Variants in USP43 observed in about 807,000 individuals in gnomAD.
USP43 encodes ubiquitin carboxyl-terminal hydrolase 43.
Under a neutral mutation model 90.7 loss-of-function variants are expected in USP43, and 33 were observed. That is an observed-to-expected ratio of 0.36 (90% confidence interval 0.28 to 0.49). The LOEUF is 0.49. Ranked by LOEUF, USP43 falls within the 20% of genes least tolerant of loss-of-function variation. USP43 has a pLI of 0.98. For missense variants in USP43, 1,274 were observed against 1,476.4 expected (o/e 0.86, Z 2.25); for synonymous variants, 598 against 615.8 (o/e 0.97, Z 0.43).
At chr17:9,646,894 A>G (rs1319894241) in intron 1 of USP43, 1 of 151,994 alleles carries the variant, frequency 6.6e-6, no homozygotes, top group African/African-American at 2.4e-5. Context: ...ACGGGCTTGC[A>G]TTTTATTGTC....
chr17:9,662,809 A>G (rs1668397481), intron 2 of USP43, among the ~76,000 whole-genome samples: 1 of 149,562 alleles, frequency 6.7e-6, no homozygotes, highest in African/African-American at 2.5e-5. Context: ...AGTGTTTTGT[A>G]TATATGATCT....
intron 2 of USP43, among the ~76,000 whole-genome samples, chr17:9,663,062 C>T (rs974965784): frequency 6.6e-6 from 1 of 151,994 alleles, no homozygotes; most frequent in Non-Finnish European, 1.5e-5. Context: ...AAGTAATCCA[C>T]TCACCTCGGC....
intron 4 of USP43, among the ~76,000 whole-genome samples, chr17:9,676,473 G>A (rs373029742): frequency 6.6e-6 from 1 of 152,100 alleles, no homozygotes; most frequent in African/African-American, 2.4e-5. Flanking sequence ...AGGTTCAAGC[G>A]ATTCTCCTGC....
In USP43 at chr17:9,701,755, T is replaced by G; in HGVS notation, c.2011+55T>G. 1 of 1,424,626 alleles carries G rather than the reference T, an allele frequency of 7.0e-7. No individual in the cohort carries two copies. The highest frequency in any genetic ancestry group is 9.4e-7 in the Non-Finnish European group (1 of 1,064,632). The allele number at this position is 1,424,626 out of a possible 1,614,324, so 88.2% of individuals were successfully genotyped here. ...CAGCTGTGGCCACAGCCTCGAGATG[T>G]CCCTGGAATGGGTGTTGCTCAGATG... is the stretch of plus-strand genomic sequence containing the variant. On this transcript the variant is annotated intron_variant, in intron 12 of 14. Coordinates refer to ENST00000285199, the MANE Select transcript of USP43 (RefSeq NM_153210.5). The surrounding 1 kb of genome is among the most constrained non-coding windows in gnomAD (Gnocchi z 7.2).
intron 4 of USP43, among the ~76,000 whole-genome samples, chr17:9,675,996 A>C (rs1225996727): frequency 6.6e-6 from 1 of 152,190 alleles, no homozygotes; most frequent in Non-Finnish European, 1.5e-5. Context: ...TGGAGTACAG[A>C]TCAAGAGAAA....
At chr17:9,685,555 A>G (rs746102227) in intron 7 of USP43, among the ~76,000 whole-genome samples, 15 of 152,332 alleles carry the variant, frequency 9.8e-5, no homozygotes, top group Admixed American at 2.0e-4. Context: ...ATCTGTTTAC[A>G]CAGCAGCATC....
At position 9,700,232 on chromosome 17, in the gene USP43, T is replaced by C; in HGVS notation, c.1518T>C (p.Asp506=). Residue 506 remains aspartate (D), a synonymous_variant, in exon 10 of 15, where the codon GAT becomes GAC. Transcript: ENST00000285199. ...ATGTCAAGCTGGCGGTGGAGTGGGA[T>C]AGCTCTGTCAAGGAGCGGTGAGTTC... ...PPHVKLAVEW[D]SSVKERLFGS... The C allele has an allele frequency of 6.2e-7, 1 of 1,602,312 alleles. No individual in the cohort carries two copies. The highest frequency in any genetic ancestry group is 8.5e-7 in the Non-Finnish European group (1 of 1,174,764).
At chr17:9,653,405 T>A (rs185682135) in intron 1 of USP43, among the ~76,000 whole-genome samples, 2 of 152,186 alleles carry the variant, frequency 1.3e-5, no homozygotes, top group African/African-American at 4.8e-5. Context: ...CTGGCCAACA[T>A]GGCGAAACCC....
At chr17:9,668,983 G>A (rs1403210231) in intron 3 of USP43, among the ~76,000 whole-genome samples, 2 of 151,630 alleles carry the variant, frequency 1.3e-5, no homozygotes, top group African/African-American at 2.4e-5. Context: ...TTACAGGTGC[G>A]TGCCACCATG....
intron 14 of USP43, among the ~76,000 whole-genome samples, chr17:9,716,802 G>A (rs566371813): frequency 3.3e-5 from 5 of 152,260 alleles, no homozygotes; most frequent in Admixed American, 3.3e-4. Flanking sequence ...TATCTGCAAT[G>A]TCTGCTACTT....
intron 14 of USP43, among the ~76,000 whole-genome samples, chr17:9,725,218 G>C (rs1316618074): frequency 6.6e-6 from 1 of 151,888 alleles, no homozygotes; most frequent in African/African-American, 2.4e-5. Flanking sequence ...TATGAATGCT[G>C]TGGGGCTTTA....
chr17:9,677,089 T>C (rs953921281), intron 5 of USP43, among the ~76,000 whole-genome samples: 13 of 152,180 alleles, frequency 8.5e-5, no homozygotes, highest in African/African-American at 2.7e-4. Context: ...AAGAACACCT[T>C]TGCCTTCCGA....
At chr17:9,720,283 G>A (rs184504502) in intron 14 of USP43, among the ~76,000 whole-genome samples, 1,455 of 123,620 alleles carry the variant, frequency 0.012, 32 homozygotes, top group African/African-American at 0.043. Flanking sequence ...CCGAGGTTGC[G>A]CCACTGCACT....
At chr17:9,694,366 G>C (rs1484332618) in intron 9 of USP43, among the ~76,000 whole-genome samples, 1 of 152,174 alleles carries the variant, frequency 6.6e-6, no homozygotes, top group African/African-American at 2.4e-5. Context: ...GCCTGTTTGG[G>C]TCTCCCAGGG....
rs117927876 is a variant in USP43 at position 9,729,015 on chromosome 17, G to A, written c.*25G>A. 2.3e-5 allele frequency: 35 copies of A among 1,496,590 alleles called. No individual in the cohort carries two copies. The highest frequency in any genetic ancestry group is 2.1e-4 in the South Asian group (15 of 72,138). 92.7% of individuals were successfully genotyped at this position (1,496,590 alleles called of 1,614,324 possible). A position where few individuals can be genotyped will look rare whatever the true frequency, so the allele number is the denominator to read the frequency against. On this transcript the variant is annotated 3_prime_UTR_variant, in exon 15 of 15. Coordinates refer to ENST00000285199, the MANE Select transcript of USP43 (RefSeq NM_153210.5). ...ATGGAGCGTGTCAGTATTGTGTGAC[G>A]CTGGCATTCTTGGGACTTTGCCAAG... is the stretch of plus-strand genomic sequence containing the variant.
rs1914386899 is a variant in USP43, at chr17:9,682,909, G to A, written c.1192G>A (p.Val398Met). ...CCTCTCTCTCCACAGTGAGAGCAAG[G>A]TGCTAATCCTCTTCTGTAACTTGGT... ...FSLSLHSESK[V>M]LILFCNLVGS... is the part of the protein sequence containing the mutation. Residue 398 changes from valine (V) to methionine (M), a missense_variant, in exon 7 of 15, where the codon GTG (valine) becomes ATG (methionine). Coordinates refer to ENST00000285199, the MANE Select transcript of USP43 (RefSeq NM_153210.5). The A allele has an allele frequency of 6.2e-7, 1 of 1,613,928 alleles. No homozygotes were observed. The highest frequency in any genetic ancestry group is 1.7e-5 in the Admixed American group (1 of 60,008).
At chr17:9,720,274 C>T (rs1466625385) in intron 14 of USP43, among the ~76,000 whole-genome samples, 1 of 137,928 alleles carries the variant, frequency 7.3e-6, no homozygotes, top group Non-Finnish European at 1.5e-5. Context: ...TGCAGTGAGC[C>T]GAGGTTGCGC....
chr17:9,672,551 A>G (rs1021880486), intron 3 of USP43, among the ~76,000 whole-genome samples: 3 of 152,236 alleles, frequency 2.0e-5, no homozygotes, highest in African/African-American at 7.2e-5. Flanking sequence ...GGAATTTCCC[A>G]ATGACCCAAG....
chr17:9,657,179 A>G (rs974207834), intron 2 of USP43, among the ~76,000 whole-genome samples: 21 of 152,300 alleles, frequency 1.4e-4, no homozygotes, highest in Non-Finnish European at 2.4e-4. Flanking sequence ...TTACTATATT[A>G]TGAAAGCATT....
Sources: gnomAD v4.1 joint callset for allele counts (sites outside exome capture counted in the v4.1 genomes callset) on GRCh38, gnomAD v4.1.1 for gene constraint, Gnocchi (gnomAD v3.1) non-coding constraint, MANE v1.5 for transcripts, NCBI Gene and HGNC (gene_info 2026-07-23, HGNC 2026-07-21) for gene names.